The following ABCA9 variants were observed in gnomAD, a reference collection of about 807,000 sequenced individuals.
ABCA9 encodes the protein ATP binding cassette subfamily A member 9, also known as ATP-binding cassette sub-family A member 9.
A neutral mutation model predicts 205.3 loss-of-function variants in ABCA9; 183 were observed. The ratio of observed to expected loss-of-function variants is 0.89; its 90% CI spans 0.79 to 1.01. The LOEUF (loss-of-function observed/expected upper bound fraction) is 1.01, where lower values mean the gene tolerates loss of function less well. ABCA9 is among the 50% of genes least tolerant of loss of function. ABCA9 has a pLI of 0.00. For synonymous variants in ABCA9, 651 were observed against 683.3 expected (o/e 0.95, Z 0.74); for missense variants, 1,805 against 1,912.4 (o/e 0.94, Z 1.05).
At chr17:69,058,046 T>G (rs769940245) in intron 1 of ABCA9, among the ~76,000 whole-genome samples, 1 of 152,180 alleles carries the variant, frequency 6.6e-6, no homozygotes, top group Non-Finnish European at 1.5e-5. Context: ...AGAGCTTTAG[T>G]GAACATGAAC....
At chr17:69,050,927 A>T in intron 2 of ABCA9, 104 bp downstream of exon 2, 1 of 982,504 alleles carries the variant, frequency 1.0e-6, no homozygotes, top group Non-Finnish European at 1.4e-6. Context: ...TAATTAGACT[A>T]CACATATGTG....
chr17:68,989,725 A>G (rs1004299212), intron 30 of ABCA9, 88 bp downstream of exon 30: 9 of 799,296 alleles, frequency 1.1e-5, no homozygotes, highest in Admixed American at 2.4e-5. Flanking sequence ...TTGTCAATAG[A>G]TGTCCCCAGA....
intron 25 of ABCA9, among the ~76,000 whole-genome samples, chr17:69,006,031 G>A (rs938028556): frequency 6.6e-6 from 1 of 152,074 alleles, no homozygotes; most frequent in Admixed American, 6.5e-5. Flanking sequence ...ACTTAGATGT[G>A]TTTATTTTAA....
chr17:69,035,609 G>T, intron 7 of ABCA9, 51 bp downstream of exon 7: 1 of 1,595,578 alleles, frequency 6.3e-7, no homozygotes, highest in Non-Finnish European at 8.6e-7. Context: ...ATTATTGGCA[G>T]TAGAGAGAGA....
At chr17:68,989,278 A>C (rs1177213540) in intron 30 of ABCA9, 160 bp from the exon 31 acceptor site, 1 of 517,702 alleles carries the variant, frequency 1.9e-6, no homozygotes, top group Non-Finnish European at 3.5e-6. Flanking sequence ...ACACACACAC[A>C]CACACACACA....
intron 31 of ABCA9, among the ~76,000 whole-genome samples, chr17:68,987,854 G>A (rs374986872): frequency 1.1e-3 from 174 of 151,552 alleles, no homozygotes; most frequent in African/African-American, 4.1e-3. Context: ...TTGGCCTCCC[G>A]GCCGGGTTCA....
chr17:68,987,350 A>T (rs1333188272), intron 31 of ABCA9, among the ~76,000 whole-genome samples: 2 of 152,242 alleles, frequency 1.3e-5, no homozygotes, highest in Admixed American at 1.3e-4. Flanking sequence ...ATTTTGGAGA[A>T]AGAAACATAA....
At chr17:69,030,516 A>T (rs1165718292) in intron 10 of ABCA9, among the ~76,000 whole-genome samples, 1 of 152,196 alleles carries the variant, frequency 6.6e-6, no homozygotes, top group African/African-American at 2.4e-5. Flanking sequence ...TTTTGAGGGG[A>T]TATAATTCAA....
chr17:69,035,866 T>TCAG (rs1486227691), intron 6 of ABCA9, 65 bp from the exon 7 acceptor site: 23 of 1,530,332 alleles, frequency 1.5e-5, no homozygotes, highest in Non-Finnish European at 2.0e-5. Context: ...ATTCATTTAT[T>TCAG]CAGCAAATGA....
At chr17:69,070,580 A>G in the ABCA9 span, among the ~76,000 whole-genome samples, 1 of 152,182 alleles carries the variant, frequency 6.6e-6, no homozygotes, top group Non-Finnish European at 1.5e-5. Flanking sequence ...TGCATTTCCC[A>G]TGGTCTTCAC....
chr17:69,077,231 A>G, the ABCA9 span, among the ~76,000 whole-genome samples: 1 of 152,112 alleles, frequency 6.6e-6, no homozygotes, highest in Non-Finnish European at 1.5e-5. Context: ...TTATTTCAAA[A>G]AATTTTTTTT....
chr17:69,047,560 G>A (rs1402203205), intron 3 of ABCA9, among the ~76,000 whole-genome samples: 1 of 151,994 alleles, frequency 6.6e-6, no homozygotes. Flanking sequence ...TGGATTCCAA[G>A]AGCAGGGAGG....
At chr17:69,047,796 A>G (rs2071768547) in intron 3 of ABCA9, among the ~76,000 whole-genome samples, 1 of 152,052 alleles carries the variant, frequency 6.6e-6, no homozygotes, top group African/African-American at 2.4e-5. Context: ...CACTTTCCCC[A>G]TCCTGCAAAT....
In ABCA9 at chr17:69,045,224, C is replaced by T; in HGVS notation, c.417G>A (p.Lys139=). ...IFTDTFSYHL[K]FSWGHRIPMM... The stretch of plus-strand genomic sequence containing the variant: ...TGGGGATTCTATGTCCCCAAGAAAA[C>T]TTCAAATGGTAGGAGAAGGTATCAG... The change falls in exon 4 of 39, where the codon AAG becomes AAA. Residue 139 remains lysine (K), a synonymous_variant. Transcript: ENST00000340001. 1 of 1,613,002 alleles carries T rather than the reference C, an allele frequency of 6.2e-7. No individual in the cohort carries two copies. The highest frequency in any genetic ancestry group is 8.5e-7 in the Non-Finnish European group (1 of 1,179,554).
chr17:69,022,958 T>G (rs1001846405), intron 17 of ABCA9, among the ~76,000 whole-genome samples: 1 of 152,254 alleles, frequency 6.6e-6, no homozygotes, highest in Non-Finnish European at 1.5e-5. Context: ...TCTCATCCAC[T>G]TTGGAATGCA....
the ABCA9 span, among the ~76,000 whole-genome samples, chr17:69,075,611 T>C: frequency 6.6e-6 from 1 of 152,176 alleles, no homozygotes; most frequent in Admixed American, 6.5e-5. Flanking sequence ...ATGCCTTTTT[T>C]GTACAAGTAT....
intron 10 of ABCA9, among the ~76,000 whole-genome samples, chr17:69,030,984 A>T (rs374641286): frequency 2.2e-4 from 33 of 151,968 alleles, no homozygotes; most frequent in African/African-American, 7.0e-4. Flanking sequence ...TGGGTGCCGC[A>T]CCAGCCACAG....
At chr17:68,998,478 C>T (rs2069713128) in intron 25 of ABCA9, among the ~76,000 whole-genome samples, 1 of 152,076 alleles carries the variant, frequency 6.6e-6, no homozygotes, top group Admixed American at 6.6e-5. Context: ...GATTGGTTTT[C>T]ATTTACTTCT....
chr17:68,992,712 C>T (rs1016438186), intron 27 of ABCA9: 3 of 244,504 alleles, frequency 1.2e-5, no homozygotes, highest in Non-Finnish European at 2.4e-5. Flanking sequence ...ACTTGGGAGG[C>T]TGAGGCAGGA....
Sources: gnomAD v4.1 joint callset for allele counts (sites outside exome capture counted in the v4.1 genomes callset) on GRCh38, gnomAD v4.1.1 for gene constraint, MANE v1.5 for transcripts, NCBI Gene and HGNC (gene_info 2026-07-23, HGNC 2026-07-21) for gene names.